The following NMS variants were observed in gnomAD, a reference collection of about 807,000 sequenced individuals.
NMS encodes the protein neuromedin-S.
Under a neutral mutation model 32.2 loss-of-function variants are expected in NMS, and 30 were observed. That is an observed-to-expected ratio of 0.93 (90% CI 0.70 to 1.26). The LOEUF (loss-of-function observed/expected upper bound fraction) is 1.26, where lower values mean the gene tolerates loss of function less well. Among genes scored for constraint, NMS ranks in the 50% most tolerant of loss-of-function variants. The pLI, the probability that NMS is intolerant of heterozygous loss-of-function variation, is 0.00. For synonymous variants in NMS, 76 were observed against 58.5 expected (o/e 1.30, Z -1.37); for missense variants, 190 against 186.3 (o/e 1.02, Z -0.12).
intron 5 of NMS, among the ~76,000 whole-genome samples, chr2:100,477,881 A>G (rs1260981580): frequency 6.6e-6 from 1 of 152,116 alleles, no homozygotes; most frequent in East Asian, 1.9e-4. Flanking sequence ...ATTTCTTCCT[A>G]CAGATTTGAG....
At chr2:100,471,351 ATGTT>A (rs1677003982) in intron 1 of NMS, among the ~76,000 whole-genome samples, 2 of 152,190 alleles carry the variant, frequency 1.3e-5, no homozygotes, top group South Asian at 2.1e-4. Flanking sequence ...TTCAAACAAT[ATGTT>A]TGTTTGTCAT....
At chr2:100,482,365 A>G (rs1359562510) in intron 9 of NMS, 54 bp downstream of exon 9, 14 of 1,547,564 alleles carry the variant, frequency 9.0e-6, no homozygotes, top group African/African-American at 1.4e-5. Flanking sequence ...AGCAAATTTT[A>G]TGTGTCTGAC....
In NMS at chr2:100,477,250, C is replaced by G. The variant is rs1197824915; in HGVS notation, c.190C>G (p.Gln64Glu). 2 of 1,613,382 alleles carry G rather than the reference C, an allele frequency of 1.2e-6. No homozygotes were observed. Among genetic ancestry groups the G allele is most frequent in the African/African-American group, 1.3e-5 (1 of 74,876 alleles). Reference protein sequence around the residue: ...APLSRQPKDNQDIYKRFLFHY... With the variant: ...APLSRQPKDNEDIYKRFLFHY... ...CTCACAATTCTCTTTCCAGGATAATCAAGACATATACAAAAGGGTGAGTAC... is the reference window on the plus strand; with the variant it reads ...CTCACAATTCTCTTTCCAGGATAATGAAGACATATACAAAAGGGTGAGTAC... Residue 64 changes from glutamine (Q) to glutamate (E), a missense_variant, in exon 4 of 10, where the codon CAA (glutamine) becomes GAA (glutamate). By Grantham distance (29) the Gln-to-Glu change is conservative (BLOSUM62 2). Transcript: ENST00000376865.
At chr2:100,477,293 G>A (rs201772906) in intron 4 of NMS, 26 bp downstream of exon 4, 267 of 1,611,432 alleles carry the variant, frequency 1.7e-4, no homozygotes, top group Non-Finnish European at 2.1e-4. Flanking sequence ...CCCTGTACAA[G>A]TGCATGCAGC....
At position 100,474,946 on chromosome 2, in the gene NMS, C is replaced by A. The variant is rs1412027433; in HGVS notation, c.183+1407C>A. On this transcript the variant is annotated intron_variant, in intron 3 of 9. Transcript: ENST00000376865. ...TTTGTTACTTCCTCCACATGTTGCA[C>A]AAAAGGGATTTCCCTATCCCTCAGG... 3.3e-5 allele frequency among the ~76,000 whole-genome samples: 5 copies of A among 152,284 alleles called. No individual in the cohort carries two copies. The East Asian group carries it at 7.7e-4, about 24-fold the overall frequency.
In NMS at chr2:100,477,260, A is replaced by G; in HGVS notation, c.200A>G (p.Tyr67Cys). 2 of 1,613,670 alleles carry G rather than the reference A, an allele frequency of 1.2e-6. No individual in the cohort carries two copies. The highest frequency in any genetic ancestry group is 2.2e-5 in the South Asian group (2 of 91,072). Residue 67 changes from tyrosine (Y) to cysteine (C), a missense_variant, in exon 4 of 10, where the codon TAC becomes TGC. Physicochemically the swap from Tyr to Cys is radical, Grantham distance 194. Transcript: ENST00000376865. Reference protein sequence around the residue: ...SRQPKDNQDIYKRFLFHYSRT... With the variant: ...SRQPKDNQDICKRFLFHYSRT... ...TCTTTCCAGGATAATCAAGACATAT[A>G]CAAAAGGGTGAGTACCACCTAGCCC...
chr2:100,476,942 T>C (rs556936143), intron 3 of NMS, among the ~76,000 whole-genome samples: 1 of 152,192 alleles, frequency 6.6e-6, no homozygotes, highest in African/African-American at 2.4e-5. Context: ...TGTAGTCAGA[T>C]GGTTATTTGC....
At chr2:100,479,304 C>A in intron 5 of NMS, 49 bp from the exon 6 acceptor site, 2 of 1,412,540 alleles carry the variant, frequency 1.4e-6, no homozygotes, top group Non-Finnish European at 2.0e-6. Flanking sequence ...CAAAATACCC[C>A]TCTGTGGATG....
intron 5 of NMS, 26 bp from the exon 6 acceptor site, chr2:100,479,327 A>ACCCTCTCCGCGCCTGTCTGT: frequency 6.3e-7 from 1 of 1,583,232 alleles, no homozygotes. Context: ...CCCCTGTCTG[A>ACCCTCTCCGCGCCTGTCTGT]CCCTCTCCGC....
intron 1 of NMS, among the ~76,000 whole-genome samples, chr2:100,471,331 GA>G (rs982700197): frequency 7.2e-5 from 11 of 152,182 alleles, no homozygotes; most frequent in African/African-American, 1.2e-4. Flanking sequence ...TATTGACAGA[GA>G]AAACATATTT....
intron 5 of NMS, among the ~76,000 whole-genome samples, chr2:100,477,720 T>C (rs1174337202): frequency 4.6e-5 from 7 of 152,162 alleles, no homozygotes; most frequent in Non-Finnish European, 1.0e-4. Flanking sequence ...AACACTGTGC[T>C]CTCTTTACAT....
At chr2:100,482,624 C>A (rs1377316310) in intron 9 of NMS, among the ~76,000 whole-genome samples, 2 of 152,122 alleles carry the variant, frequency 1.3e-5, no homozygotes, top group East Asian at 3.9e-4. Flanking sequence ...CCAGCTGGGC[C>A]CTCTGTGACT....
At position 100,480,634 on chromosome 2, in the gene NMS, T is replaced by G. The variant is rs755494183; in HGVS notation, c.372+103T>G. The G allele has an allele frequency of 2.0e-5, 23 of 1,173,666 alleles. No individual in the cohort carries two copies. The South Asian group carries it at 3.1e-4, about 16-fold the overall frequency. The allele number at this position is 1,173,666 out of a possible 1,614,324, so 72.7% of individuals were successfully genotyped here. A position where few individuals can be genotyped will look rare whatever the true frequency, so the allele number is the denominator to read the frequency against. On this transcript the variant is annotated intron_variant, in intron 7 of 9. Transcript: ENST00000376865. ...CACCCTGCAGCCCCTCCAGACCAGT[T>G]CTGGGCAGAGCTGGTCTCCAAAGGA... is the stretch of plus-strand genomic sequence containing the variant.
intron 6 of NMS, 130 bp from the exon 7 acceptor site, chr2:100,480,366 C>A: frequency 1.1e-6 from 1 of 890,816 alleles, no homozygotes; most frequent in Non-Finnish European, 1.8e-6. Flanking sequence ...GCCATGCTCT[C>A]CACCTCCTCT....
Position 100,481,142 on chromosome 2 carries a change from G to T in NMS, c.389G>T (p.Trp130Leu). The change falls in exon 8 of 10, where the codon TGG becomes TTG. Residue 130 changes from tryptophan to leucine, a missense_variant. By Grantham distance (61) the Trp-to-Leu change is moderately conservative (BLOSUM62 -2). Coordinates refer to ENST00000376865, the MANE Select transcript of NMS (RefSeq NM_001011717.1). ...DFTKKDHTAT[W>L]GRPFFLFRPR... ...ATGTTGCAGGATCACACTGCGACCT[G>T]GGGACGACCCTTTTTCCTTTTCAGG... is the stretch of plus-strand genomic sequence containing the variant. The T allele has an allele frequency of 6.2e-7, 1 of 1,614,026 alleles. No homozygotes were observed.
chr2:100,473,068 C>A (rs72964182), intron 2 of NMS, among the ~76,000 whole-genome samples: 1,643 of 152,210 alleles, frequency 0.011, 35 homozygotes, highest in African/African-American at 0.038. Flanking sequence ...AGAAATAGGA[C>A]AATTTTAGAA....
At position 100,482,275 on chromosome 2, in the gene NMS, A is replaced by C. The variant is rs1445986845; in HGVS notation, c.415-2A>C. On this transcript the variant is annotated splice_acceptor_variant, in intron 8 of 9. Coordinates refer to ENST00000376865, the MANE Select transcript of NMS (RefSeq NM_001011717.1). LOFTEE classifies it high-confidence loss of function. ...TTCATAAGTTGCTCCTTTTTTTTTC[A>C]GCCCAGGAATGGAAGAAACATTGAA... 2 of 1,612,668 alleles carry C rather than the reference A, an allele frequency of 1.2e-6. No homozygotes were observed. The highest frequency in any genetic ancestry group is 2.2e-5 in the South Asian group (2 of 91,040).
intron 6 of NMS, among the ~76,000 whole-genome samples, 199 bp downstream of exon 6, chr2:100,479,626 T>A (rs976965004): frequency 5.3e-5 from 8 of 152,170 alleles, no homozygotes; most frequent in African/African-American, 1.9e-4. Flanking sequence ...CCCCATGAGG[T>A]GGTTTGAAGG....
At chr2:100,471,722 G>A (rs1188774482) in intron 1 of NMS, among the ~76,000 whole-genome samples, 1 of 152,104 alleles carries the variant, frequency 6.6e-6, no homozygotes. Context: ...GCATTACTTT[G>A]CATTATTGAA....
Sources: gnomAD v4.1 joint callset for allele counts (sites outside exome capture counted in the v4.1 genomes callset) on GRCh38, gnomAD v4.1.1 for gene constraint, MANE v1.5 for transcripts, NCBI Gene and HGNC (gene_info 2026-07-23, HGNC 2026-07-21) for gene names.